Variants in DDAH1 observed in about 807,000 individuals in gnomAD.
DDAH1 encodes N(G),N(G)-dimethylarginine dimethylaminohydrolase 1.
Under a neutral mutation model 28.8 loss-of-function variants are expected in DDAH1, and 19 were observed. The ratio of observed to expected loss-of-function variants is 0.66; its 90% confidence interval spans 0.46 to 0.97. DDAH1 has a LOEUF of 0.97. Among genes scored for constraint, DDAH1 ranks in the 50% least tolerant of loss-of-function variants. The pLI is 0.00. For synonymous variants in DDAH1, 153 were observed against 154.4 expected, an observed-to-expected ratio of 0.99 and a Z score of 0.07; for missense variants, 326 against 375.9, an observed-to-expected ratio of 0.87 and a Z score of 1.10.
At chr1:85,499,622 C>T (rs1036126503) in intron 1 of DDAH1, among the ~76,000 whole-genome samples, 11 of 151,746 alleles carry the variant, frequency 7.2e-5, no homozygotes, top group African/African-American at 2.7e-4. Context: ...TTGCAGTGAG[C>T]CAAGATCGCA....
chr1:85,577,902 C>T, intron 1 of DDAH1: 2 of 920,094 alleles, frequency 2.2e-6, no homozygotes, highest in South Asian at 5.0e-5. Flanking sequence ...CCGTTATTTC[C>T]TCCTGGGGCA....
intron 1 of DDAH1, among the ~76,000 whole-genome samples, chr1:85,519,618 A>G (rs1657602607): frequency 1.3e-5 from 2 of 152,242 alleles, no homozygotes; most frequent in South Asian, 4.1e-4. Context: ...ATTTCAATAA[A>G]TAAAAAATTC....
At chr1:85,392,368 A>T (rs1390514111) in intron 1 of DDAH1, among the ~76,000 whole-genome samples, 1 of 152,154 alleles carries the variant, frequency 6.6e-6, no homozygotes, top group Non-Finnish European at 1.5e-5. Flanking sequence ...TTTTAATTTG[A>T]TTACCACTGT....
At chr1:85,483,558 A>G (rs1041773343) in intron 2 of DDAH1, among the ~76,000 whole-genome samples, 1 of 152,242 alleles carries the variant, frequency 6.6e-6, no homozygotes, top group South Asian at 2.1e-4. Flanking sequence ...TGTGGTGAGT[A>G]TATCTGTTTA....
rs1239939591 is a variant in DDAH1 at position 85,321,386 on chromosome 1, G to A, written c.*66C>T. ...AGTAGATTGTCAAGGAAAACAACAGGAGTGGGCACAGAGTCATCGGCCTTG... is the reference window on the plus strand; with the variant it reads ...AGTAGATTGTCAAGGAAAACAACAGAAGTGGGCACAGAGTCATCGGCCTTG... On this transcript the variant is annotated 3_prime_UTR_variant, in exon 6 of 6. Transcript: ENST00000284031. 4.1e-6 allele frequency: 4 copies of A among 976,700 alleles called. No homozygotes were observed. Among genetic ancestry groups the A allele is most frequent in the South Asian group, 2.6e-5 (2 of 75,562 alleles). The allele number at this position is 976,700 out of a possible 1,614,324, so 60.5% of individuals were successfully genotyped here. A position where few individuals can be genotyped will look rare whatever the true frequency, so the allele number is the denominator to read the frequency against.
At position 85,350,437 on chromosome 1, in the gene DDAH1, T is replaced by C. The variant is rs1276161834; in HGVS notation, c.575A>G (p.Glu192Gly). The C allele has an allele frequency of 5.6e-6, 9 of 1,613,898 alleles. No individual in the cohort carries two copies. In the East Asian group the frequency reaches 2.0e-4, roughly 36 times the overall value. ...TACCTTAAGGGCCTTCTGTGCAGATTCACTAGACCCAATTGCGATCAGGTT... is the reference window on the plus strand; with the variant it reads ...TACCTTAAGGGCCTTCTGTGCAGATCCACTAGACCCAATTGCGATCAGGTT... ...GPNLIAIGSS[E>G]SAQKALKIMQ... Residue 192 changes from glutamate (E) to glycine (G), a missense_variant, in exon 4 of 6, where the codon GAA becomes GGA. Transcript: ENST00000284031.
chr1:85,573,587 G>A (rs1659518137), intron 1 of DDAH1, among the ~76,000 whole-genome samples: 1 of 152,142 alleles, frequency 6.6e-6, no homozygotes, highest in Non-Finnish European at 1.5e-5. Flanking sequence ...GATGCCAAGT[G>A]GAGAAAATAA....
At chr1:85,427,500 TTTTA>T (rs1653462988) in intron 1 of DDAH1, among the ~76,000 whole-genome samples, 4 of 152,200 alleles carry the variant, frequency 2.6e-5, no homozygotes, top group Non-Finnish European at 5.9e-5. Flanking sequence ...CAAGCAAGAC[TTTTA>T]CAGCAGTGAG....
chr1:85,558,725 A>C (rs1659055995), intron 1 of DDAH1, among the ~76,000 whole-genome samples: 1 of 152,214 alleles, frequency 6.6e-6, no homozygotes, highest in Non-Finnish European at 1.5e-5. Flanking sequence ...TACTAAAATA[A>C]AATAAAATAA....
chr1:85,352,695 A>G (rs796822126), intron 2 of DDAH1, among the ~76,000 whole-genome samples: 8 of 152,242 alleles, frequency 5.3e-5, no homozygotes, highest in African/African-American at 1.9e-4. Flanking sequence ...GCTTAATATT[A>G]TAAGTGTTTT....
intron 1 of DDAH1, among the ~76,000 whole-genome samples, chr1:85,448,356 C>T (rs767276588): frequency 3.3e-5 from 5 of 152,200 alleles, no homozygotes; most frequent in Non-Finnish European, 7.3e-5. Flanking sequence ...TCTCAATCAT[C>T]TCTGCTCTAA....
intron 1 of DDAH1, among the ~76,000 whole-genome samples, chr1:85,370,927 T>C (rs1210249949): frequency 6.6e-6 from 1 of 151,974 alleles, no homozygotes; most frequent in Admixed American, 6.6e-5. Flanking sequence ...GAAATAAAAA[T>C]TGGGAGTCAA....
At chr1:85,342,471 A>G (rs1221504913) in intron 4 of DDAH1, among the ~76,000 whole-genome samples, 1 of 152,042 alleles carries the variant, frequency 6.6e-6, no homozygotes, top group Non-Finnish European at 1.5e-5. Flanking sequence ...TCAGAAAATG[A>G]TAACATTAGT....
intron 4 of DDAH1, among the ~76,000 whole-genome samples, chr1:85,333,953 C>T (rs796692833): frequency 9.2e-5 from 14 of 152,262 alleles, no homozygotes; most frequent in African/African-American, 3.4e-4. Flanking sequence ...ATAGATACAA[C>T]CCCAAAAAAA....
intron 1 of DDAH1, among the ~76,000 whole-genome samples, chr1:85,422,095 A>C (rs530217812): frequency 3.3e-5 from 5 of 152,266 alleles, no homozygotes; most frequent in African/African-American, 7.2e-5. Flanking sequence ...GTTTTTTAAA[A>C]TTTTAGCCAT....
intron 1 of DDAH1, among the ~76,000 whole-genome samples, chr1:85,433,983 T>C (rs1653819169): frequency 6.6e-6 from 1 of 151,608 alleles, no homozygotes. Context: ...TAATTTAACA[T>C]TTTTTGTACA....
At position 85,369,061 on chromosome 1, in the gene DDAH1, T is replaced by A. The variant is rs1422144527; in HGVS notation, c.304-10214A>T. On this transcript the variant is annotated intron_variant, in intron 1 of 5. Coordinates refer to ENST00000284031, the MANE Select transcript of DDAH1 (RefSeq NM_012137.4). The stretch of plus-strand genomic sequence containing the variant: ...CCATGGCTCCCAGGGGATTCTTTTT[T>A]TTTTTTTTTTTTTTTTTGAGACAGG... Among the ~76,000 whole-genome samples, 4 of 141,800 alleles carry A rather than the reference T, an allele frequency of 2.8e-5. No individual in the cohort carries two copies. In the East Asian group the frequency reaches 8.3e-4, roughly 29 times the overall value. 93.0% of individuals were successfully genotyped at this position (141,800 alleles called of 152,430 possible). A position where few individuals can be genotyped will look rare whatever the true frequency, so the allele number is the denominator to read the frequency against.
chr1:85,394,719 T>C (rs1202604037), intron 1 of DDAH1, among the ~76,000 whole-genome samples: 2 of 152,226 alleles, frequency 1.3e-5, no homozygotes, highest in South Asian at 2.1e-4. Context: ...AATTGAAGCA[T>C]AATTTTTAAG....
At chr1:85,425,368 C>T (rs1035751971) in intron 1 of DDAH1, among the ~76,000 whole-genome samples, 1 of 152,018 alleles carries the variant, frequency 6.6e-6, no homozygotes, top group Non-Finnish European at 1.5e-5. Flanking sequence ...CCACAACTCC[C>T]ACTCCCTGCT....
Sources: allele counts gnomAD v4.1 joint callset (sites outside exome capture counted in the v4.1 genomes callset), GRCh38; gene constraint gnomAD v4.1.1; transcripts MANE v1.5; gene names NCBI Gene and HGNC (gene_info 2026-07-23, HGNC 2026-07-21).